Variants in CFH observed in about 807,000 individuals in gnomAD.
CFH encodes H factor 1 (complement).
CFH carries 53 observed loss-of-function variants against 147.3 expected under a neutral mutation model. That is an observed-to-expected ratio of 0.36 (90% CI 0.29 to 0.45). CFH has a LOEUF of 0.45. Ranked by LOEUF, CFH falls within the 20% of genes least tolerant of loss-of-function variation. The pLI is 1.00. For missense variants in CFH, 1,380 were observed against 1,498.0 expected (o/e 0.92, Z 1.30); for synonymous variants, 536 against 489.4 (o/e 1.10, Z -1.26).
chr1:196,662,238 T>C lies in CFH; in HGVS notation c.58+10063T>C, dbSNP rs1375401945. On this transcript the variant is annotated intron_variant, in intron 1 of 21. Coordinates refer to ENST00000367429, the MANE Select transcript of CFH (RefSeq NM_000186.4). ...GAATGCTGACTTAAGCAAGATGACT[T>C]ATTAAGAAAACTGTCACAGCTCATT... is the stretch of plus-strand genomic sequence containing the variant. 7.2e-5 allele frequency among the ~76,000 whole-genome samples: 11 copies of C among 152,360 alleles called. No homozygotes were observed. In the East Asian group the frequency reaches 1.5e-3, roughly 21 times the overall value.
intron 9 of CFH, among the ~76,000 whole-genome samples, chr1:196,693,912 T>C (rs1487957737): frequency 6.6e-6 from 1 of 151,788 alleles, no homozygotes; most frequent in Non-Finnish European, 1.5e-5. Flanking sequence ...CACAAATTTA[T>C]TCCTCATGGA....
intron 10 of CFH, among the ~76,000 whole-genome samples, chr1:196,714,120 A>G (rs1025944755): frequency 7.2e-5 from 11 of 151,962 alleles, no homozygotes; most frequent in African/African-American, 2.2e-4. Flanking sequence ...GGCTTTTCCT[A>G]CTCTAAAGCA....
At position 196,672,995 on chromosome 1, in the gene CFH, C is replaced by T. The variant is rs866627729; in HGVS notation, c.76C>T (p.Pro26Ser). 6 of 1,613,950 alleles carry T rather than the reference C, an allele frequency of 3.7e-6. No homozygotes were observed. Among genetic ancestry groups the T allele is most frequent in the Non-Finnish European group, 5.1e-6 (6 of 1,179,944 alleles). The change falls in exon 2 of 22, where the codon CCA (proline) becomes TCA (serine). Residue 26 changes from proline to serine, a missense_variant. Around this residue, in one of 4 missense-constraint regions of CFH, gnomAD observed 260 missense variants for 263.3 expected, o/e 0.99. Transcript: ENST00000367429. ...CVAEDCNELP[P>S]RRNTEILTGS... is the part of the protein sequence containing the mutation. ...GTTTGTAGATTGCAATGAACTTCCT[C>T]CAAGAAGAAATACAGAAATTCTGAC...
Position 196,656,145 on chromosome 1 carries a change from A to T in CFH, c.58+3970A>T, listed in dbSNP as rs1387265749. 7.9e-5 allele frequency among the ~76,000 whole-genome samples: 12 copies of T among 152,124 alleles called. No homozygotes were observed. In the East Asian group the frequency reaches 2.1e-3, roughly 27 times the overall value. ...ATGGTGAAACCCCATCTCTACTAAA[A>T]ATACAAAAATTAGCCAGGCGTGGTG... On this transcript the variant is annotated intron_variant, in intron 1 of 21. Transcript: ENST00000367429.
chr1:196,746,563 T>C lies in CFH; in HGVS notation c.3494-548T>C, dbSNP rs183015819. ...TGTTTGACAATATGTTGTTTTGATATATTTATGCTACAAAGATTACCACAA... is the reference window on the plus strand; with the variant it reads ...TGTTTGACAATATGTTGTTTTGATACATTTATGCTACAAAGATTACCACAA... On this transcript the variant is annotated intron_variant, in intron 21 of 21. Coordinates refer to ENST00000367429, the MANE Select transcript of CFH (RefSeq NM_000186.4). Among the ~76,000 whole-genome samples, 188 of 152,382 alleles carry C rather than the reference T, an allele frequency of 1.2e-3. No individual in the cohort carries two copies. The Middle Eastern group carries it at 0.031, about 25-fold the overall frequency.
At chr1:196,679,421 T>C in intron 5 of CFH, 1 of 438,042 alleles carries the variant, frequency 2.3e-6, no homozygotes, top group East Asian at 4.0e-5. Context: ...TGAAACTAAA[T>C]AAAATCAGAA....
At position 196,677,529 on chromosome 1, in the gene CFH, G is replaced by A. The variant is rs777300338; in HGVS notation, c.481G>A (p.Ala161Thr). 6.2e-7 allele frequency: 1 copy of A among 1,613,218 alleles called. No individual in the cohort carries two copies. Among genetic ancestry groups the A allele is most frequent in the Non-Finnish European group, 8.5e-7 (1 of 1,179,446 alleles). The change falls in exon 5 of 22, where the codon GCA becomes ACA. Residue 161 changes from alanine to threonine, a missense_variant. Around this residue, in one of 4 missense-constraint regions of CFH, gnomAD observed 260 missense variants for 263.3 expected, o/e 0.99. Transcript: ENST00000367429. Reference protein sequence around the residue: ...APENGKIVSSAMEPDREYHFG... With the variant: ...APENGKIVSSTMEPDREYHFG... ...AGAGAATGGAAAAATTGTCAGTAGT[G>A]CAATGGAACCAGATCGGGAATACCA... is the stretch of plus-strand genomic sequence containing the variant.
chr1:196,723,238 AT>A (rs1217568676), intron 11 of CFH, among the ~76,000 whole-genome samples: 3 of 151,022 alleles, frequency 2.0e-5, no homozygotes, highest in Middle Eastern at 3.4e-3. Flanking sequence ...AACAGACAGG[AT>A]TTTTTTTTTC....
At chr1:196,680,489 A>C (rs1667612222) in intron 6 of CFH, among the ~76,000 whole-genome samples, 1 of 151,886 alleles carries the variant, frequency 6.6e-6, no homozygotes, top group Non-Finnish European at 1.5e-5. Flanking sequence ...AGAAGAGAGA[A>C]TATGGACAGT....
At chr1:196,661,053 A>C (rs1297465397) in intron 1 of CFH, among the ~76,000 whole-genome samples, 1 of 152,190 alleles carries the variant, frequency 6.6e-6, no homozygotes, top group Non-Finnish European at 1.5e-5. Context: ...GCTTGTAATT[A>C]ATCAGTTTTC....
At chr1:196,661,655 C>T (rs1397780701) in intron 1 of CFH, among the ~76,000 whole-genome samples, 1 of 152,188 alleles carries the variant, frequency 6.6e-6, no homozygotes, top group Non-Finnish European at 1.5e-5. Flanking sequence ...CCTCCTAATA[C>T]TATCACATTG....
At chr1:196,700,123 T>C (rs780167982) in intron 9 of CFH, among the ~76,000 whole-genome samples, 3 of 152,154 alleles carry the variant, frequency 2.0e-5, no homozygotes, top group Non-Finnish European at 4.4e-5. Context: ...ACTTTCCATA[T>C]CCTGATGATT....
intron 14 of CFH, 120 bp downstream of exon 14, chr1:196,727,060 A>G (rs1049980731): frequency 8.4e-6 from 7 of 835,282 alleles, no homozygotes; most frequent in Non-Finnish European, 1.4e-5. Context: ...AGTCTTCAAT[A>G]TGAGACCAAT....
intron 9 of CFH, among the ~76,000 whole-genome samples, chr1:196,706,314 T>C (rs1558169887): frequency 6.6e-6 from 1 of 151,950 alleles, no homozygotes; most frequent in Non-Finnish European, 1.5e-5. Context: ...GCTAAAGAAA[T>C]CTTAGCCTGA....
intron 9 of CFH, among the ~76,000 whole-genome samples, chr1:196,703,787 A>G (rs970525563): frequency 8.6e-5 from 13 of 151,914 alleles, no homozygotes; most frequent in African/African-American, 3.1e-4. Flanking sequence ...GATCGAGACC[A>G]TCCTGGCTAA....
chr1:196,693,300 T>C (rs150331428), intron 9 of CFH, among the ~76,000 whole-genome samples: 19 of 152,102 alleles, frequency 1.2e-4, no homozygotes, highest in African/African-American at 4.6e-4. Context: ...AAATAAAAAA[T>C]TTGCCAGATA....
chr1:196,658,165 A>G (rs1666769313), intron 1 of CFH, among the ~76,000 whole-genome samples: 1 of 152,046 alleles, frequency 6.6e-6, no homozygotes, highest in African/African-American at 2.4e-5. Flanking sequence ...AAATTATAGT[A>G]AAAACATTCC....
At chr1:196,653,504 C>T (rs763064316) in intron 1 of CFH, among the ~76,000 whole-genome samples, 8 of 151,764 alleles carry the variant, frequency 5.3e-5, no homozygotes, top group Non-Finnish European at 1.0e-4. Flanking sequence ...CGTTTCATAC[C>T]TACATACTGT....
At chr1:196,656,697 T>C (rs1666704038) in intron 1 of CFH, among the ~76,000 whole-genome samples, 1 of 151,714 alleles carries the variant, frequency 6.6e-6, no homozygotes, top group Non-Finnish European at 1.5e-5. Context: ...TTTTTTTTTT[T>C]TTTTCTCTAT....
Sources: gnomAD v4.1 joint callset for allele counts (sites outside exome capture counted in the v4.1 genomes callset) on GRCh38, gnomAD v4.1.1 for gene constraint, gnomAD v4.1.1 regional missense constraint, MANE v1.5 for transcripts, NCBI Gene and HGNC (gene_info 2026-07-23, HGNC 2026-07-21) for gene names.